PPM1L: variants seen among roughly 807,000 people sequenced by gnomAD.
The protein encoded by PPM1L is protein phosphatase, Mg2+/Mn2+ dependent 1L, also known as protein phosphatase 1L.
In PPM1L, 13 loss-of-function variants were observed where a neutral mutation model predicts 31.4. The observed-to-expected ratio is 0.41, with a 90% CI of 0.27 to 0.66. The LOEUF is 0.66. Among genes scored for constraint, PPM1L ranks in the 30% least tolerant of loss-of-function variants. The pLI, the probability that PPM1L is intolerant of heterozygous loss-of-function variation, is 0.29. For missense variants in PPM1L, 326 were observed against 453.7 expected (o/e 0.72, Z 2.56); for synonymous variants, 184 against 175.4 (o/e 1.05, Z -0.39).
chr3:160,805,443 C>T (rs533247094), intron 1 of PPM1L, among the ~76,000 whole-genome samples: 34 of 152,222 alleles, frequency 2.2e-4, no homozygotes, highest in African/African-American at 7.2e-4. Flanking sequence ...TACTTGAGGC[C>T]GGGTGCAGTG....
chr3:160,872,051 G>A (rs1712327730), intron 1 of PPM1L, among the ~76,000 whole-genome samples: 1 of 152,110 alleles, frequency 6.6e-6, no homozygotes. Flanking sequence ...TGAGAAATAA[G>A]TCTTTGCCCA....
intron 1 of PPM1L, among the ~76,000 whole-genome samples, chr3:160,826,937 A>G (rs1713369915): frequency 6.6e-6 from 1 of 152,182 alleles, no homozygotes; most frequent in Non-Finnish European, 1.5e-5. Flanking sequence ...AAAAACACAC[A>G]TGAAATGACA....
At chr3:160,806,933 A>AGAAGGAAAGAAAGAGAGG (rs1451774036) in intron 1 of PPM1L, among the ~76,000 whole-genome samples, 2 of 59,610 alleles carry the variant, frequency 3.4e-5, no homozygotes, top group African/African-American at 2.3e-4. Flanking sequence ...AGAGAGGGAA[A>AGAAGGAAAGAAAGAGAGG]GAAAGAAAGA....
At chr3:160,946,747 T>C (rs1715424045) in intron 1 of PPM1L, among the ~76,000 whole-genome samples, 1 of 152,170 alleles carries the variant, frequency 6.6e-6, no homozygotes, top group Admixed American at 6.5e-5. Flanking sequence ...AGTGCCACTT[T>C]CTTGTCATAC....
intron 1 of PPM1L, among the ~76,000 whole-genome samples, chr3:160,944,490 T>C (rs1715259384): frequency 6.7e-6 from 1 of 150,358 alleles, no homozygotes; most frequent in South Asian, 2.1e-4. Flanking sequence ...GCTAAAAGAC[T>C]ACAATTTCTA....
chr3:160,908,501 A>G (rs1713840885), intron 1 of PPM1L, among the ~76,000 whole-genome samples: 1 of 152,212 alleles, frequency 6.6e-6, no homozygotes. Context: ...TTGACACTAT[A>G]TGTAGTCTGC....
chr3:160,929,690 C>T (rs1422226274), intron 1 of PPM1L, among the ~76,000 whole-genome samples: 2 of 152,168 alleles, frequency 1.3e-5, no homozygotes, highest in Non-Finnish European at 2.9e-5. Context: ...GCAATCTGTT[C>T]CATAAATGCT....
At chr3:160,977,922 C>T (rs74616312) in intron 2 of PPM1L, among the ~76,000 whole-genome samples, 2,819 of 152,248 alleles carry the variant, frequency 0.019, 78 homozygotes, top group African/African-American at 0.063. Context: ...AAGACTTTAT[C>T]ACAAGACTTC....
chr3:161,008,909 G>A (rs193065077), intron 2 of PPM1L, among the ~76,000 whole-genome samples: 12 of 152,278 alleles, frequency 7.9e-5, no homozygotes, highest in Admixed American at 7.2e-4. Context: ...GGGAATAAAA[G>A]TTAGGACATC....
chr3:160,899,919 TTGTC>T (rs1424380677), intron 1 of PPM1L, among the ~76,000 whole-genome samples: 1 of 152,184 alleles, frequency 6.6e-6, no homozygotes, highest in African/African-American at 2.4e-5. Context: ...TATTTTTTCA[TTGTC>T]TGATGAGCTA....
At chr3:160,907,313 TTTC>T (rs1166263178) in intron 1 of PPM1L, among the ~76,000 whole-genome samples, 2 of 152,180 alleles carry the variant, frequency 1.3e-5, no homozygotes, top group Non-Finnish European at 2.9e-5. Context: ...TAAAGAAAAC[TTTC>T]TTATCAATAT....
chr3:160,955,871 G>A (rs990565068), intron 1 of PPM1L, among the ~76,000 whole-genome samples: 4 of 151,810 alleles, frequency 2.6e-5, no homozygotes, highest in African/African-American at 9.7e-5. Flanking sequence ...AGCCAGGATG[G>A]TCTCCATCTC....
intron 2 of PPM1L, among the ~76,000 whole-genome samples, chr3:160,963,318 T>G (rs771449428): frequency 1.3e-5 from 2 of 152,092 alleles, no homozygotes; most frequent in African/African-American, 2.4e-5. Flanking sequence ...ATGCAGGTTC[T>G]CATTTGCTCA....
chr3:160,867,580 T>G (rs1712138872), intron 1 of PPM1L, among the ~76,000 whole-genome samples: 1 of 152,208 alleles, frequency 6.6e-6, no homozygotes, highest in African/African-American at 2.4e-5. Context: ...GAGGAAAATT[T>G]TGTTCTGAAT....
rs148578237 is a variant in PPM1L at position 160,762,980 on chromosome 3, C to T, written c.399+6273C>T. Among the ~76,000 whole-genome samples, 88 of 151,998 alleles carry T rather than the reference C, an allele frequency of 5.8e-4. No homozygotes were observed. The East Asian group carries it at 0.012, about 20-fold the overall frequency. ...TGAAAAAGAAACTTCATATCAGCAC[C>T]GGGAGTGGAAAAATCCATGAAATGA... On this transcript the variant is annotated intron_variant, in intron 1 of 3. Transcript: ENST00000498165.
intron 2 of PPM1L, among the ~76,000 whole-genome samples, chr3:161,031,123 A>G (rs1439793805): frequency 6.6e-6 from 1 of 152,222 alleles, no homozygotes; most frequent in Admixed American, 6.5e-5. Flanking sequence ...CAGACAGGTC[A>G]GAAGATTGTA....
chr3:160,825,956 G>T lies in PPM1L; in HGVS notation c.399+69249G>T, dbSNP rs1020290104. Among the ~76,000 whole-genome samples the T allele has an allele frequency of 2.0e-5, 3 of 152,058 alleles. No homozygotes were observed. The East Asian group carries it at 5.8e-4, about 29-fold the overall frequency. On this transcript the variant is annotated intron_variant, in intron 1 of 3. Transcript: ENST00000498165. ...TTGCCAATCTTTGAATTTTCTAGGCGAGAGTTTGCCTTCCTGCTCAGACTT... is the reference window on the plus strand; with the variant it reads ...TTGCCAATCTTTGAATTTTCTAGGCTAGAGTTTGCCTTCCTGCTCAGACTT...
rs1415541731 is a variant in PPM1L, at chr3:161,072,337, G to T, written c.*3180G>T. 2.0e-5 allele frequency: 3 copies of T among 152,224 alleles called. No individual in the cohort carries two copies. The highest frequency in any genetic ancestry group is 7.2e-5 in the African/African-American group (3 of 41,452). The allele number at this position is 152,224 out of a possible 1,614,324, so 9.4% of individuals were successfully genotyped here. A position where few individuals can be genotyped will look rare whatever the true frequency, so the allele number is the denominator to read the frequency against. ...TACATAGTACTGGTAACCAGTGGCT[G>T]CATTTTATTCCTTGCTGTGGACTGA... On this transcript the variant is annotated 3_prime_UTR_variant, in exon 4 of 4. Transcript: ENST00000498165.
intron 1 of PPM1L, among the ~76,000 whole-genome samples, chr3:160,791,572 A>G (rs1174621839): frequency 6.6e-6 from 1 of 152,152 alleles, no homozygotes; most frequent in East Asian, 1.9e-4. Context: ...GTATTGTTCC[A>G]GGGGCTGACA....
Sources: gnomAD v4.1 joint callset for allele counts (sites outside exome capture counted in the v4.1 genomes callset) on GRCh38, gnomAD v4.1.1 for gene constraint, MANE v1.5 for transcripts, NCBI Gene and HGNC (gene_info 2026-07-23, HGNC 2026-07-21) for gene names.